The following STMN2 variants were observed in gnomAD, a reference collection of about 807,000 sequenced individuals.
STMN2 encodes stathmin 2, also known as stathmin-2.
In STMN2, 2 loss-of-function variants were observed where a neutral mutation model predicts 24.1. That is an observed-to-expected ratio of 0.08 (90% CI 0.03 to 0.26). The LOEUF (loss-of-function observed/expected upper bound fraction) is 0.26. Ranked by LOEUF, STMN2 falls within the 10% of genes least tolerant of loss-of-function variation. The pLI, the probability that STMN2 is intolerant of heterozygous loss-of-function variation, is 1.00. For synonymous variants in STMN2, 83 were observed against 77.5 expected (o/e 1.07, Z -0.37); for missense variants, 114 against 213.6 (o/e 0.53, Z 2.91).
intron 1 of STMN2, among the ~76,000 whole-genome samples, chr8:79,622,567 G>A (rs906812750): frequency 6.6e-6 from 1 of 152,132 alleles, no homozygotes; most frequent in African/African-American, 2.4e-5. Context: ...GAATTTAATA[G>A]TTAAGCATTT....
chr8:79,615,769 C>T (rs972340451), intron 1 of STMN2, among the ~76,000 whole-genome samples: 6 of 152,172 alleles, frequency 3.9e-5, no homozygotes, highest in African/African-American at 1.2e-4. Flanking sequence ...AGAGCTTGTA[C>T]AATTTTCAAG....
At chr8:79,658,602 C>T (rs1415879666) in intron 4 of STMN2, among the ~76,000 whole-genome samples, 41 of 152,092 alleles carry the variant, frequency 2.7e-4, no homozygotes, top group Admixed American at 2.6e-3. Context: ...ATGCGCCCAC[C>T]CTTATGATAG....
chr8:79,622,628 A>G (rs1809544040), intron 1 of STMN2, among the ~76,000 whole-genome samples: 1 of 152,108 alleles, frequency 6.6e-6, no homozygotes, highest in Non-Finnish European at 1.5e-5. Context: ...ATAAAAGTAT[A>G]TTTCTCTTGC....
chr8:79,638,782 G>C (rs911051559), intron 2 of STMN2, among the ~76,000 whole-genome samples: 1 of 152,052 alleles, frequency 6.6e-6, no homozygotes, highest in East Asian at 1.9e-4. Flanking sequence ...ATTAAGAGGG[G>C]CTTACTATTT....
At chr8:79,648,257 T>G (rs1001511339) in intron 3 of STMN2, among the ~76,000 whole-genome samples, 7 of 152,204 alleles carry the variant, frequency 4.6e-5, no homozygotes, top group African/African-American at 1.2e-4. Context: ...ATAGAACTTA[T>G]GGAGTTAGTG....
At chr8:79,626,692 T>C (rs1056811417) in intron 1 of STMN2, among the ~76,000 whole-genome samples, 1 of 152,174 alleles carries the variant, frequency 6.6e-6, no homozygotes, top group Admixed American at 6.5e-5. Flanking sequence ...CCCTCCCTGC[T>C]TAGCAACCAA....
At chr8:79,652,058 G>T (rs530836770) in intron 3 of STMN2, among the ~76,000 whole-genome samples, 130 of 152,308 alleles carry the variant, frequency 8.5e-4, no homozygotes, top group African/African-American at 3.0e-3. Flanking sequence ...GTGGCTGATG[G>T]GTACCAGTTG....
chr8:79,656,172 T>C (rs1180766351), intron 4 of STMN2, among the ~76,000 whole-genome samples: 1 of 152,182 alleles, frequency 6.6e-6, no homozygotes, highest in East Asian at 1.9e-4. Flanking sequence ...TTTAAAGATA[T>C]AATTGCATGG....
chr8:79,635,934 A>AAAGT (rs1809938136), intron 1 of STMN2, among the ~76,000 whole-genome samples: 1 of 152,082 alleles, frequency 6.6e-6, no homozygotes. Context: ...AGAAAGAAAG[A>AAAGT]GGCTGGAAAT....
intron 1 of STMN2, chr8:79,620,947 T>C: frequency 4.1e-6 from 4 of 984,930 alleles, no homozygotes; most frequent in Non-Finnish European, 4.8e-6. Context: ...ACACTTGGAG[T>C]AGACCTAAAA....
intron 1 of STMN2, among the ~76,000 whole-genome samples, chr8:79,626,553 G>A (rs1809659329): frequency 6.6e-6 from 1 of 152,196 alleles, no homozygotes; most frequent in Admixed American, 6.5e-5. Flanking sequence ...ATTTAGTGGA[G>A]AGAAGAGTTG....
chr8:79,611,348 C>G (rs1334005626), intron 1 of STMN2, 134 bp downstream of exon 1: 2 of 1,216,394 alleles, frequency 1.6e-6, no homozygotes, highest in Non-Finnish European at 2.3e-6. Flanking sequence ...CCAGGAAGGA[C>G]AGGGCAGTTC....
At chr8:79,663,254 T>C (rs180791400) in intron 4 of STMN2, among the ~76,000 whole-genome samples, 4 of 152,196 alleles carry the variant, frequency 2.6e-5, no homozygotes, top group Admixed American at 1.3e-4. Flanking sequence ...CACTCAACAT[T>C]GAAATTGTAT....
intron 4 of STMN2, among the ~76,000 whole-genome samples, chr8:79,656,441 T>G (rs1216599779): frequency 6.6e-6 from 1 of 152,256 alleles, no homozygotes; most frequent in Non-Finnish European, 1.5e-5. Flanking sequence ...AGTCACGATT[T>G]GGAAGAGGCA....
At chr8:79,641,664 AC>A in intron 3 of STMN2, 114 bp downstream of exon 3, 1 of 830,672 alleles carries the variant, frequency 1.2e-6, no homozygotes, top group East Asian at 2.7e-5. Context: ...ACACACACAC[AC>A]ACACACATAC....
At chr8:79,614,370 T>C (rs1205810259) in intron 1 of STMN2, among the ~76,000 whole-genome samples, 3 of 152,342 alleles carry the variant, frequency 2.0e-5, no homozygotes, top group East Asian at 3.9e-4. Flanking sequence ...TCTAATGAAG[T>C]GGGCACCTTC....
At chr8:79,656,884 G>GTTTTTTT (rs71266026) in intron 4 of STMN2, among the ~76,000 whole-genome samples, 2 of 150,206 alleles carry the variant, frequency 1.3e-5, no homozygotes. Context: ...TTGTTTGTTT[G>GTTTTTTT]TTTTTTTGAG....
chr8:79,663,437 A>G (rs1323049017), intron 4 of STMN2: 2 of 438,148 alleles, frequency 4.6e-6, no homozygotes, highest in South Asian at 5.9e-5. Flanking sequence ...GGATTAAGGG[A>G]ATTAATACAG....
chr8:79,644,485 C>A (rs1331110576), intron 3 of STMN2, among the ~76,000 whole-genome samples: 1 of 152,146 alleles, frequency 6.6e-6, no homozygotes, highest in African/African-American at 2.4e-5. Flanking sequence ...CAGGCCCAAC[C>A]CAGAACCAAT....
Sources: allele counts gnomAD v4.1 joint callset (sites outside exome capture counted in the v4.1 genomes callset), GRCh38; gene constraint gnomAD v4.1.1; transcripts MANE v1.5; gene names NCBI Gene and HGNC (gene_info 2026-07-23, HGNC 2026-07-21).